Variants in GRIK4 observed in about 807,000 individuals in gnomAD.
GRIK4 encodes the protein glutamate receptor ionotropic, kainate 4.
A neutral mutation model predicts 104.9 loss-of-function variants in GRIK4; 40 were observed. The ratio of observed to expected loss-of-function variants is 0.38; its 90% CI spans 0.30 to 0.50. The LOEUF is 0.50. Ranked by LOEUF, GRIK4 falls within the 20% of genes least tolerant of loss-of-function variation. The pLI, the probability that GRIK4 is intolerant of heterozygous loss-of-function variation, is 0.93. For missense variants in GRIK4, 1,047 were observed against 1,308.1 expected, an observed-to-expected ratio of 0.80 and a Z score of 3.08; for synonymous variants, 485 against 524.9, an observed-to-expected ratio of 0.92 and a Z score of 1.04.
intron 13 of GRIK4, among the ~76,000 whole-genome samples, chr11:120,906,066 G>T (rs1942861066): frequency 6.6e-6 from 1 of 152,172 alleles, no homozygotes; most frequent in South Asian, 2.1e-4. Context: ...TAGATTTTCA[G>T]GGTGAATGTG....
chr11:120,587,467 G>T (rs1371984304), intron 1 of GRIK4, among the ~76,000 whole-genome samples: 1 of 152,188 alleles, frequency 6.6e-6, no homozygotes, highest in Non-Finnish European at 1.5e-5. Flanking sequence ...TAAAATCTGT[G>T]ACACTCAAAA....
At chr11:120,667,965 C>T (rs1311442791) in intron 3 of GRIK4, among the ~76,000 whole-genome samples, 1 of 152,156 alleles carries the variant, frequency 6.6e-6, no homozygotes, top group Non-Finnish European at 1.5e-5. Flanking sequence ...TGTCTGTAGT[C>T]CCAGCTACTT....
chr11:120,896,808 T>C (rs1419048228), intron 11 of GRIK4, among the ~76,000 whole-genome samples: 1 of 152,174 alleles, frequency 6.6e-6, no homozygotes, highest in Non-Finnish European at 1.5e-5. Context: ...CTGTGGAACT[T>C]GTGTGGGTCT....
chr11:120,681,700 C>T (rs1950195751), intron 3 of GRIK4, among the ~76,000 whole-genome samples: 1 of 152,224 alleles, frequency 6.6e-6, no homozygotes, highest in Non-Finnish European at 1.5e-5. Flanking sequence ...TTCCAGCTAA[C>T]CTAAATCATC....
intron 3 of GRIK4, among the ~76,000 whole-genome samples, chr11:120,714,336 A>C (rs1950789475): frequency 6.6e-6 from 1 of 152,204 alleles, no homozygotes; most frequent in Non-Finnish European, 1.5e-5. Context: ...AGGGGCTTTC[A>C]GAAGGAAAGG....
At chr11:120,752,436 G>C (rs765693865) in intron 3 of GRIK4, among the ~76,000 whole-genome samples, 3 of 152,124 alleles carry the variant, frequency 2.0e-5, no homozygotes, top group Non-Finnish European at 4.4e-5. Flanking sequence ...GCCCGCCAAG[G>C]TGGGCAGGCC....
chr11:120,680,511 T>C (rs1043419026), intron 3 of GRIK4, among the ~76,000 whole-genome samples: 1 of 152,226 alleles, frequency 6.6e-6, no homozygotes, highest in Non-Finnish European at 1.5e-5. Flanking sequence ...CATCAGTCTC[T>C]CAAGGCAAAG....
chr11:120,862,737 C>T (rs1954295667), intron 9 of GRIK4, among the ~76,000 whole-genome samples: 1 of 152,134 alleles, frequency 6.6e-6, no homozygotes, highest in Non-Finnish European at 1.5e-5. Flanking sequence ...CTTTCCATGG[C>T]CATTCTCCAC....
chr11:120,810,104 T>C (rs1952800440), intron 4 of GRIK4, among the ~76,000 whole-genome samples: 1 of 152,154 alleles, frequency 6.6e-6, no homozygotes, highest in African/African-American at 2.4e-5. Flanking sequence ...GTGTGGTGCA[T>C]GTACCATATG....
intron 3 of GRIK4, among the ~76,000 whole-genome samples, chr11:120,693,726 G>A (rs1313033197): frequency 6.6e-6 from 1 of 152,168 alleles, no homozygotes; most frequent in African/African-American, 2.4e-5. Flanking sequence ...CAGTTTATCA[G>A]GATTTGGCCA....
intron 16 of GRIK4, among the ~76,000 whole-genome samples, 158 bp downstream of exon 16, chr11:120,957,111 G>C (rs1280542557): frequency 6.6e-6 from 1 of 152,162 alleles, no homozygotes. Context: ...CAGAAGCTTG[G>C]GGCAATGGAT....
chr11:120,857,687 G>C (rs1954146641), intron 8 of GRIK4, among the ~76,000 whole-genome samples: 2 of 152,124 alleles, frequency 1.3e-5, no homozygotes, highest in African/African-American at 2.4e-5. Flanking sequence ...GACAGGGTGT[G>C]CTTGGTGTTA....
At chr11:120,611,497 CA>C (rs1167097746) in intron 1 of GRIK4, among the ~76,000 whole-genome samples, 2 of 152,172 alleles carry the variant, frequency 1.3e-5, no homozygotes, top group African/African-American at 2.4e-5. Flanking sequence ...GGAAGGCGCT[CA>C]AAAAATGGTG....
intron 4 of GRIK4, among the ~76,000 whole-genome samples, chr11:120,806,745 C>CAAT (rs1952720293): frequency 6.6e-6 from 1 of 152,148 alleles, no homozygotes; most frequent in African/African-American, 2.4e-5. Context: ...TTGAGGGAAG[C>CAAT]AATGGTTATT....
At chr11:120,784,208 C>G (rs1028705377) in intron 3 of GRIK4, among the ~76,000 whole-genome samples, 1 of 152,182 alleles carries the variant, frequency 6.6e-6, no homozygotes, top group African/African-American at 2.4e-5. Context: ...TTGTGGGGCC[C>G]TAGCTTGGAC....
intron 6 of GRIK4, among the ~76,000 whole-genome samples, chr11:120,830,192 A>G (rs2135560764): frequency 6.6e-6 from 1 of 151,486 alleles, no homozygotes; most frequent in South Asian, 2.1e-4. Flanking sequence ...ATGAAGAAAA[A>G]AAAAAAAAAA....
At chr11:120,680,536 C>A (rs1950174535) in intron 3 of GRIK4, among the ~76,000 whole-genome samples, 1 of 152,210 alleles carries the variant, frequency 6.6e-6, no homozygotes, top group African/African-American at 2.4e-5. Flanking sequence ...TGTCTCATTA[C>A]CTCTGACTCC....
In GRIK4 at chr11:120,952,080, A is replaced by G. The variant is rs182171809; in HGVS notation, c.1591-775A>G. 1.1e-4 allele frequency among the ~76,000 whole-genome samples: 17 copies of G among 152,240 alleles called. No homozygotes were observed. Among genetic ancestry groups the G allele is most frequent in the African/African-American group, 3.9e-4 (16 of 41,538 alleles). ...TCTCATTCCATTTTGTTTTCCCGTG[A>G]AGAATGGCGGGGAGCTTGGTGCCCA... On this transcript the variant is annotated intron_variant, in intron 14 of 20. Coordinates refer to ENST00000527524, the MANE Select transcript of GRIK4 (RefSeq NM_014619.5). The surrounding 1 kb of genome is among the most constrained non-coding windows in gnomAD (Gnocchi z 5.2).
At chr11:120,854,413 A>G (rs1954053266) in intron 8 of GRIK4, among the ~76,000 whole-genome samples, 3 of 152,232 alleles carry the variant, frequency 2.0e-5, no homozygotes, top group African/African-American at 7.2e-5. Context: ...AAATGGGTGC[A>G]AGCGTTAACA....
Sources: gnomAD v4.1 joint callset for allele counts (sites outside exome capture counted in the v4.1 genomes callset) on GRCh38, gnomAD v4.1.1 for gene constraint, Gnocchi (gnomAD v3.1) non-coding constraint, MANE v1.5 for transcripts, NCBI Gene and HGNC (gene_info 2026-07-23, HGNC 2026-07-21) for gene names.